The following KAZN variants were observed in gnomAD, a reference collection of about 807,000 sequenced individuals.
KAZN encodes the protein kazrin, periplakin interacting protein.
In KAZN, 40 loss-of-function variants were observed where a neutral mutation model predicts 87.4. The ratio of observed to expected loss-of-function variants is 0.46; its 90% CI spans 0.36 to 0.60. The LOEUF (loss-of-function observed/expected upper bound fraction) is 0.60. Among genes scored for constraint, KAZN ranks in the 20% least tolerant of loss-of-function variants. The probability of loss-of-function intolerance (pLI) is 0.00; values close to 1 mark genes in which losing one functional copy is unlikely to be tolerated. For synonymous variants in KAZN, 466 were observed against 458.3 expected (o/e 1.02, Z -0.22); for missense variants, 898 against 1,073.9 (o/e 0.84, Z 2.29).
At chr1:14,473,614 T>G in intron 2 of KAZN, among the ~76,000 whole-genome samples, 1 of 144,076 alleles carries the variant, frequency 6.9e-6, no homozygotes, top group Admixed American at 7.2e-5. Context: ...ACTCCAGCCT[T>G]GGGACAGAGA....
chr1:14,621,352 A>C (rs1170019731), intron 1 of KAZN, among the ~76,000 whole-genome samples: 1 of 152,214 alleles, frequency 6.6e-6, no homozygotes, highest in Non-Finnish European at 1.5e-5. Flanking sequence ...TGAATGCAGA[A>C]AGTATGTGTG....
At chr1:13,919,330 C>G (rs924010648) in intron 1 of KAZN, among the ~76,000 whole-genome samples, 8 of 152,216 alleles carry the variant, frequency 5.3e-5, no homozygotes, top group Non-Finnish European at 7.3e-5. Context: ...TTCTGTCTGG[C>G]TCCTTTTGCT....
At chr1:14,528,065 A>G (rs1344997502) in intron 2 of KAZN, among the ~76,000 whole-genome samples, 1 of 151,568 alleles carries the variant, frequency 6.6e-6, no homozygotes, top group East Asian at 1.9e-4. Context: ...CTACCTACCT[A>G]TCTATCTTCC....
At chr1:14,264,687 G>A (rs1026549283) in intron 2 of KAZN, among the ~76,000 whole-genome samples, 1 of 152,134 alleles carries the variant, frequency 6.6e-6, no homozygotes, top group African/African-American at 2.4e-5. Flanking sequence ...AAGTAAATTT[G>A]TTTTCCTTAT....
chr1:14,399,145 C>T (rs1663160511), intron 2 of KAZN, among the ~76,000 whole-genome samples: 1 of 152,152 alleles, frequency 6.6e-6, no homozygotes, highest in Non-Finnish European at 1.5e-5. Context: ...CCCACCTCAG[C>T]CTCCTGCCAT....
intron 2 of KAZN, among the ~76,000 whole-genome samples, chr1:14,289,185 T>C (rs1220072705): frequency 6.6e-6 from 1 of 152,202 alleles, no homozygotes; most frequent in Non-Finnish European, 1.5e-5. Context: ...GTTCTGTAGA[T>C]GTCTATTGGG....
chr1:14,965,585 C>T (rs1664368179), intron 2 of KAZN, among the ~76,000 whole-genome samples: 1 of 152,202 alleles, frequency 6.6e-6, no homozygotes, highest in South Asian at 2.1e-4. Flanking sequence ...TTTTTAATGA[C>T]TACATAATGT....
At chr1:14,506,052 A>C (rs1031709105) in intron 2 of KAZN, among the ~76,000 whole-genome samples, 8 of 152,190 alleles carry the variant, frequency 5.3e-5, no homozygotes, top group African/African-American at 1.7e-4. Flanking sequence ...TAAACTGTGC[A>C]CTTAAAAATG....
chr1:14,976,848 T>C (rs879351849), intron 2 of KAZN, among the ~76,000 whole-genome samples: 3 of 151,754 alleles, frequency 2.0e-5, no homozygotes, highest in Non-Finnish European at 2.9e-5. Flanking sequence ...GGTCAAGGAG[T>C]TCGAGACCAG....
intron 1 of KAZN, among the ~76,000 whole-genome samples, chr1:14,176,108 G>A (rs1646069666): frequency 6.6e-6 from 1 of 152,162 alleles, no homozygotes; most frequent in South Asian, 2.1e-4. Context: ...TTTCCACTTA[G>A]GGTAACTCAG....
chr1:14,902,294 C>T lies in KAZN; in HGVS notation c.227-58390C>T, dbSNP rs900527284. ...AGGCTGGAGTGCAGTGGCTCGATCTCGGCTCACAGCAAGCTCCGCCTCCCG... is the reference window on the plus strand; with the variant it reads ...AGGCTGGAGTGCAGTGGCTCGATCTTGGCTCACAGCAAGCTCCGCCTCCCG... On this transcript the variant is annotated intron_variant, in intron 1 of 14. Coordinates refer to ENST00000376030, the MANE Select transcript of KAZN (RefSeq NM_201628.3). 9.9e-5 allele frequency among the ~76,000 whole-genome samples: 15 copies of T among 151,386 alleles called. No homozygotes were observed. In the East Asian group the frequency reaches 2.5e-3, roughly 26 times the overall value.
At chr1:14,902,557 G>C (rs1037820963) in intron 1 of KAZN, among the ~76,000 whole-genome samples, 2 of 152,032 alleles carry the variant, frequency 1.3e-5, no homozygotes, top group African/African-American at 4.8e-5. Context: ...ATCTTCCATG[G>C]TGTTTCCAAG....
chr1:15,052,934 A>G lies in KAZN; in HGVS notation c.727-3157A>G, dbSNP rs117652340. ...CTGGGAGAAGGAAGCCGATGGGTTC[A>G]GGAGAGCCACCCCACCCAGGCCTCT... On this transcript the variant is annotated intron_variant, in intron 4 of 14. Transcript: ENST00000376030. 4.3e-3 allele frequency among the ~76,000 whole-genome samples: 654 copies of G among 152,356 alleles called. 3 individuals are homozygous for G. Among genetic ancestry groups the G allele is most frequent in the South Asian group, 0.042 (204 of 4,826 alleles).
At chr1:15,100,111 A>T (rs943116979) in intron 10 of KAZN, among the ~76,000 whole-genome samples, 3 of 152,084 alleles carry the variant, frequency 2.0e-5, no homozygotes, top group Admixed American at 6.5e-5. Flanking sequence ...CTCAGAAGAG[A>T]GTGGAGAATT....
At chr1:14,041,607 A>G (rs1436281790) in intron 1 of KAZN, among the ~76,000 whole-genome samples, 1 of 152,064 alleles carries the variant, frequency 6.6e-6, no homozygotes, top group Non-Finnish European at 1.5e-5. Context: ...TTCTTCTCTA[A>G]GACTGCTGAA....
chr1:14,440,004 T>A (rs1389923069), intron 2 of KAZN, among the ~76,000 whole-genome samples: 2 of 152,100 alleles, frequency 1.3e-5, no homozygotes, highest in Admixed American at 6.5e-5. Context: ...CTGGCTCTAC[T>A]TTTTTCTTTC....
At chr1:14,234,635 A>G (rs1051186788) in intron 2 of KAZN, among the ~76,000 whole-genome samples, 2 of 152,214 alleles carry the variant, frequency 1.3e-5, no homozygotes. Flanking sequence ...AGATCTGTGC[A>G]AGGTGTGGGG....
At position 15,053,574 on chromosome 1, in the gene KAZN, C is replaced by A. The variant is rs140678723; in HGVS notation, c.727-2517C>A. On this transcript the variant is annotated intron_variant, in intron 4 of 14. Transcript: ENST00000376030. ...AGACAGAACTGGCCCACATCATTTG[C>A]GCTGGTTGTTTTCTTGCCCCACAGG... 2.0e-5 allele frequency among the ~76,000 whole-genome samples: 3 copies of A among 152,286 alleles called. No homozygotes were observed. The East Asian group carries it at 5.8e-4, about 29-fold the overall frequency.
intron 2 of KAZN, among the ~76,000 whole-genome samples, chr1:14,372,420 G>C (rs1020951966): frequency 6.6e-6 from 1 of 152,184 alleles, no homozygotes; most frequent in Admixed American, 6.5e-5. Context: ...TCGTGCTAGT[G>C]ACAGGCATTT....
Sources: allele counts gnomAD v4.1 joint callset (sites outside exome capture counted in the v4.1 genomes callset), GRCh38; gene constraint gnomAD v4.1.1; transcripts MANE v1.5; gene names NCBI Gene and HGNC (gene_info 2026-07-23, HGNC 2026-07-21).